Variants in RBFOX3 observed in about 807,000 individuals in gnomAD.
The protein encoded by RBFOX3 is RNA binding protein fox-1 homolog 3.
RBFOX3 carries 17 observed loss-of-function variants against 48.7 expected under a neutral mutation model. That is an observed-to-expected ratio of 0.35 (90% CI 0.24 to 0.52). The LOEUF (loss-of-function observed/expected upper bound fraction) is 0.52, where lower values mean the gene tolerates loss of function less well. RBFOX3 is among the 20% of genes least tolerant of loss of function. RBFOX3 has a pLI of 0.94. For missense variants in RBFOX3, 382 were observed against 497.5 expected, an observed-to-expected ratio of 0.77 and a Z score of 2.21; for synonymous variants, 212 against 209.5, an observed-to-expected ratio of 1.01 and a Z score of -0.10.
At chr17:79,602,982 G>A (rs1029914825) in intron 1 of RBFOX3, among the ~76,000 whole-genome samples, 1 of 137,828 alleles carries the variant, frequency 7.3e-6, no homozygotes, top group Non-Finnish European at 1.5e-5. Context: ...CTCTCCTTGA[G>A]CTACCCTTTT....
intron 1 of RBFOX3, among the ~76,000 whole-genome samples, chr17:79,595,616 C>T (rs1202230823): frequency 4.6e-5 from 7 of 152,088 alleles, no homozygotes; most frequent in Admixed American, 6.6e-5. Flanking sequence ...GTGTTAGCAG[C>T]GGGGAGACCT....
chr17:79,201,404 G>A (rs2056737097), intron 4 of RBFOX3, among the ~76,000 whole-genome samples: 1 of 152,184 alleles, frequency 6.6e-6, no homozygotes, highest in African/African-American at 2.4e-5. Context: ...CAGACTGTCT[G>A]CCAGAATACC....
intron 4 of RBFOX3, among the ~76,000 whole-genome samples, chr17:79,140,183 G>A (rs1255780612): frequency 6.6e-6 from 1 of 152,242 alleles, no homozygotes. Context: ...CCATACCTGA[G>A]GGGAATGTGC....
intron 2 of RBFOX3, among the ~76,000 whole-genome samples, chr17:79,446,544 G>A (rs533705515): frequency 1.2e-3 from 179 of 152,310 alleles, no homozygotes; most frequent in African/African-American, 3.6e-3. Flanking sequence ...GCCCACTAGC[G>A]TGCCATGTTA....
intron 4 of RBFOX3, among the ~76,000 whole-genome samples, chr17:79,120,044 C>G (rs1469932574): frequency 2.0e-5 from 3 of 152,212 alleles, no homozygotes; most frequent in Non-Finnish European, 2.9e-5. Context: ...CTTCCCAGGT[C>G]TGCTAGGGTC....
intron 4 of RBFOX3, among the ~76,000 whole-genome samples, chr17:79,164,345 CTCG>C (rs1424586451): frequency 6.6e-6 from 1 of 152,198 alleles, no homozygotes; most frequent in Non-Finnish European, 1.5e-5. Context: ...CCGTGCTGAG[CTCG>C]TGGGGTCATC....
intron 2 of RBFOX3, among the ~76,000 whole-genome samples, chr17:79,324,465 C>T (rs1351597547): frequency 6.6e-6 from 1 of 152,232 alleles, no homozygotes; most frequent in East Asian, 1.9e-4. Context: ...TCACAGTTGG[C>T]ACACAGCCCT....
chr17:79,653,764 G>GTTT, the RBFOX3 span, among the ~76,000 whole-genome samples: 345 of 147,014 alleles, frequency 2.3e-3, 6 homozygotes, highest in East Asian at 0.048. Flanking sequence ...GCATGTCGTG[G>GTTT]TTTTTTTTTT....
rs1216275522 is a variant in RBFOX3, at chr17:79,477,338, CGAGGTCAG to C, written c.-175+5108_-175+5115del. Among the ~76,000 whole-genome samples the C allele has an allele frequency of 3.4e-5, 5 of 148,410 alleles. No homozygotes were observed. The highest frequency in any genetic ancestry group is 5.9e-5 in the Non-Finnish European group (4 of 67,438). ...TTGGGAGGCCAAGGCAGGTGGATCA[CGAGGTCAG>C]GAGATCGAGATCATCCTGGCTAACA... On this transcript the variant is annotated intron_variant, in intron 2 of 14. Coordinates refer to ENST00000693108, the MANE Select transcript of RBFOX3 (RefSeq NM_001350451.2). The surrounding 1 kb of genome is among the most constrained non-coding windows in gnomAD (Gnocchi z 4.8).
At chr17:79,604,290 C>G (rs923572801) in intron 1 of RBFOX3, among the ~76,000 whole-genome samples, 47 of 152,322 alleles carry the variant, frequency 3.1e-4, no homozygotes, top group Non-Finnish European at 4.9e-4. Flanking sequence ...CCATCAGGAG[C>G]CTGTGCATGG....
chr17:79,581,507 C>T (rs2093058700), intron 1 of RBFOX3, among the ~76,000 whole-genome samples: 2 of 152,208 alleles, frequency 1.3e-5, no homozygotes, highest in African/African-American at 4.8e-5. Context: ...CGTCACTCAC[C>T]GCTGCCATTT....
chr17:79,278,606 G>A (rs1456389445), intron 3 of RBFOX3, among the ~76,000 whole-genome samples: 2 of 152,258 alleles, frequency 1.3e-5, no homozygotes, highest in Admixed American at 1.3e-4. Context: ...GGCCGGGCCT[G>A]TGCCCAGTCT....
chr17:79,585,262 A>G (rs1437358796), intron 1 of RBFOX3, among the ~76,000 whole-genome samples: 2 of 152,190 alleles, frequency 1.3e-5, no homozygotes, highest in East Asian at 3.9e-4. Flanking sequence ...TTAAACAATT[A>G]AAAATTTTTA....
At position 79,095,495 on chromosome 17, in the gene RBFOX3, G is replaced by A; in HGVS notation, c.998+18C>T. ...TCTCCCCACCCTGCTCCAGAACAGT[G>A]CTGGCCCCCGGCCTCACCTGTCGCT... is the stretch of plus-strand genomic sequence containing the variant. On this transcript the variant is annotated intron_variant, in intron 13 of 14. Coordinates refer to ENST00000693108, the MANE Select transcript of RBFOX3 (RefSeq NM_001350451.2). 1.3e-6 allele frequency: 2 copies of A among 1,550,046 alleles called. No individual in the cohort carries two copies. Among genetic ancestry groups the A allele is most frequent in the Non-Finnish European group, 1.7e-6 (2 of 1,145,786 alleles).
intron 1 of RBFOX3, among the ~76,000 whole-genome samples, chr17:79,544,975 CAAAAAAAAA>C (rs10584963): frequency 1.1e-4 from 9 of 81,642 alleles, no homozygotes; most frequent in Admixed American, 1.0e-3. Context: ...TCATTAAGGG[CAAAAAAAAA>C]AAAAAAAAAA....
chr17:79,104,216 G>A, intron 6 of RBFOX3, 90 bp from the exon 7 acceptor site: 4 of 1,136,340 alleles, frequency 3.5e-6, no homozygotes, highest in East Asian at 2.6e-5. Flanking sequence ...CTCCTGAGAC[G>A]CTCATGCCTG....
chr17:79,157,562 G>A (rs1012507828), intron 4 of RBFOX3, among the ~76,000 whole-genome samples: 5 of 152,172 alleles, frequency 3.3e-5, no homozygotes, highest in Admixed American at 6.5e-5. Context: ...ATGAGGACCC[G>A]GGGGTGAGGT....
At chr17:79,355,146 A>G (rs2084726636) in intron 2 of RBFOX3, among the ~76,000 whole-genome samples, 1 of 152,160 alleles carries the variant, frequency 6.6e-6, no homozygotes, top group Non-Finnish European at 1.5e-5. Context: ...TCAACTTAAC[A>G]CATTTAACAT....
At chr17:79,151,063 C>T (rs2044307517) in intron 4 of RBFOX3, among the ~76,000 whole-genome samples, 1 of 152,198 alleles carries the variant, frequency 6.6e-6, no homozygotes, top group Admixed American at 6.5e-5. Flanking sequence ...CACACACATC[C>T]CTCCACCATG....
Sources: gnomAD v4.1 joint callset for allele counts (sites outside exome capture counted in the v4.1 genomes callset) on GRCh38, gnomAD v4.1.1 for gene constraint, Gnocchi (gnomAD v3.1) non-coding constraint, MANE v1.5 for transcripts, NCBI Gene and HGNC (gene_info 2026-07-23, HGNC 2026-07-21) for gene names.